The following MYOF variants were observed in gnomAD, a reference collection of about 807,000 sequenced individuals.
MYOF encodes myoferlin, also known as fer-1-like 3, myoferlin.
MYOF carries 244 observed loss-of-function variants against 284.2 expected under a neutral mutation model. That is an observed-to-expected ratio of 0.86 (90% CI 0.77 to 0.95). MYOF has a LOEUF of 0.95. Ranked by LOEUF, MYOF falls within the 40% of genes least tolerant of loss-of-function variation. The probability of loss-of-function intolerance (pLI) is 0.00; values close to 1 mark genes in which losing one functional copy is unlikely to be tolerated. For missense variants in MYOF, 2,496 were observed against 2,560.6 expected (o/e 0.97, Z 0.54); for synonymous variants, 904 against 919.7 (o/e 0.98, Z 0.31).
chr10:93,361,981 C>T (rs749178316), intron 27 of MYOF, among the ~76,000 whole-genome samples: 2 of 152,186 alleles, frequency 1.3e-5, no homozygotes, highest in Admixed American at 6.5e-5. Flanking sequence ...CAGAGCCTCG[C>T]TCTGTTGCCC....
At chr10:93,358,672 C>T (rs1844923244) in intron 29 of MYOF, among the ~76,000 whole-genome samples, 1 of 152,108 alleles carries the variant, frequency 6.6e-6, no homozygotes, top group African/African-American at 2.4e-5. Flanking sequence ...AGCTGGAAGC[C>T]ATTATCCTCA....
chr10:93,378,683 G>GTA (rs1845958983), intron 21 of MYOF, among the ~76,000 whole-genome samples: 1 of 63,994 alleles, frequency 1.6e-5, no homozygotes, highest in African/African-American at 6.9e-5. Flanking sequence ...GTGTGTGTAT[G>GTA]TGTGTGTGTG....
intron 1 of MYOF, among the ~76,000 whole-genome samples, chr10:93,478,027 TG>T (rs1343165170): frequency 6.6e-6 from 1 of 151,940 alleles, no homozygotes; most frequent in African/African-American, 2.4e-5. Context: ...GGACTAACAG[TG>T]GGAGAGAGAA....
At chr10:93,347,141 A>G (rs1037453554) in intron 37 of MYOF, among the ~76,000 whole-genome samples, 90 of 152,332 alleles carry the variant, frequency 5.9e-4, no homozygotes, top group African/African-American at 1.9e-3. Flanking sequence ...ATAGAACCTT[A>G]GGAAAGTGCC....
Position 93,363,987 on chromosome 10 carries a change from G to A in MYOF, c.2842C>T (p.Pro948Ser). ...ESRYPGGDWK[P>S]AEDTYTDANG... ...GCATCCGTGTAGGTGTCCTCGGCCG[G>A]CTTCCAGTCGCCCCCGGGGTAGCGG... Residue 948 changes from proline (P) to serine (S), a missense_variant, in exon 27 of 54, where the codon CCG (proline) becomes TCG (serine). Pro to Ser is a moderately conservative substitution (Grantham distance 74, BLOSUM62 -1). Transcript: ENST00000359263. 1 of 1,614,158 alleles carries A rather than the reference G, an allele frequency of 6.2e-7. No homozygotes were observed. Among genetic ancestry groups the A allele is most frequent in the Non-Finnish European group, 8.5e-7 (1 of 1,180,038 alleles).
Position 93,482,236 on chromosome 10 carries a change from G to A in MYOF, c.-42C>T. The A allele has an allele frequency of 6.4e-7, 1 of 1,561,520 alleles. No individual in the cohort carries two copies. The highest frequency in any genetic ancestry group is 8.8e-7 in the Non-Finnish European group (1 of 1,136,778). ...AAAGCAAGTTTCAGCAAACGAAGTG[G>A]AGACTAGGGCGCTGGAGCTCCGGGT... On this transcript the variant is annotated 5_prime_UTR_variant, in exon 1 of 54. Transcript: ENST00000359263.
intron 3 of MYOF, among the ~76,000 whole-genome samples, chr10:93,448,370 C>A (rs1201050776): frequency 6.6e-6 from 1 of 152,170 alleles, no homozygotes; most frequent in Non-Finnish European, 1.5e-5. Context: ...GACAACTTTC[C>A]CTTTTCCTCT....
intron 1 of MYOF, among the ~76,000 whole-genome samples, chr10:93,479,993 G>A (rs946239512): frequency 6.6e-6 from 1 of 152,050 alleles, no homozygotes; most frequent in Non-Finnish European, 1.5e-5. Flanking sequence ...CAAATAACAA[G>A]TCAGATTTCA....
intron 21 of MYOF, among the ~76,000 whole-genome samples, chr10:93,378,693 G>GTGTATATATATATATATATATATATA: frequency 3.4e-5 from 3 of 87,894 alleles, no homozygotes; most frequent in African/African-American, 9.6e-5. Flanking sequence ...GTGTGTGTGT[G>GTGTATATATATATATATATATATATA]TATATATATA....
At chr10:93,401,589 A>G in intron 11 of MYOF, 45 bp from the exon 12 acceptor site, 1 of 1,598,668 alleles carries the variant, frequency 6.3e-7, no homozygotes, top group Non-Finnish European at 8.5e-7. Context: ...GAAAAGCAGC[A>G]CTTGGAAAAA....
chr10:93,323,510 A>C, intron 46 of MYOF, 152 bp from the exon 47 acceptor site: 1 of 696,742 alleles, frequency 1.4e-6, no homozygotes, highest in Non-Finnish European at 2.3e-6. Flanking sequence ...GAAGAGAGCA[A>C]ACCAAGGTTA....
At chr10:93,388,023 T>A in intron 18 of MYOF, 110 bp from the exon 19 acceptor site, 1 of 796,766 alleles carries the variant, frequency 1.3e-6, no homozygotes, top group Non-Finnish European at 2.1e-6. Flanking sequence ...CCCATGGCCC[T>A]AACCTTCGAA....
chr10:93,475,727 T>C (rs565995418), intron 1 of MYOF, among the ~76,000 whole-genome samples: 3 of 152,050 alleles, frequency 2.0e-5, no homozygotes, highest in South Asian at 4.2e-4. Context: ...AATCCTACAG[T>C]AAAGGAGAAA....
chr10:93,421,808 C>A (rs1442911815), intron 5 of MYOF, among the ~76,000 whole-genome samples: 3 of 152,154 alleles, frequency 2.0e-5, no homozygotes, highest in Non-Finnish European at 4.4e-5. Context: ...AAATAAACTT[C>A]TTTTCTTTAT....
intron 45 of MYOF, among the ~76,000 whole-genome samples, chr10:93,326,649 C>T (rs73315569): frequency 0.045 from 6,863 of 152,232 alleles, 539 homozygotes; most frequent in African/African-American, 0.16. Flanking sequence ...TTTTTTGAGA[C>T]AGTCTCGCTC....
intron 40 of MYOF, among the ~76,000 whole-genome samples, chr10:93,337,242 T>C (rs1304626630): frequency 6.6e-6 from 1 of 151,678 alleles, no homozygotes; most frequent in Non-Finnish European, 1.5e-5. Context: ...TAGCACTGCT[T>C]CTGCTTGAGG....
chr10:93,416,582 C>T (rs1294820703), intron 5 of MYOF, among the ~76,000 whole-genome samples: 2 of 145,860 alleles, frequency 1.4e-5, no homozygotes, highest in African/African-American at 5.1e-5. Flanking sequence ...ATATATGAAC[C>T]CTGGCTTTGA....
rs535434039 is a variant in MYOF, at chr10:93,439,996, C to T, written c.237-8480G>A. Among the ~76,000 whole-genome samples the T allele has an allele frequency of 9.2e-5, 14 of 152,256 alleles. No individual in the cohort carries two copies. In the South Asian group the frequency reaches 2.3e-3, roughly 25 times the overall value. On this transcript the variant is annotated intron_variant, in intron 3 of 53. Transcript: ENST00000359263. ...CTTAATACTACATATACCACAAATCCTTTTGGGAAACAATTTTTCTTTTCA... is the reference window on the plus strand; with the variant it reads ...CTTAATACTACATATACCACAAATCTTTTTGGGAAACAATTTTTCTTTTCA...
intron 1 of MYOF, among the ~76,000 whole-genome samples, chr10:93,473,123 C>G (rs900483948): frequency 2.0e-5 from 3 of 152,190 alleles, no homozygotes; most frequent in African/African-American, 7.2e-5. Flanking sequence ...AAAGGTCATC[C>G]CTTTCCAAGT....
Sources: allele counts gnomAD v4.1 joint callset (sites outside exome capture counted in the v4.1 genomes callset), GRCh38; gene constraint gnomAD v4.1.1; transcripts MANE v1.5; gene names NCBI Gene and HGNC (gene_info 2026-07-23, HGNC 2026-07-21).